SLC25A21: variants seen among roughly 807,000 people sequenced by gnomAD.
SLC25A21 encodes the protein solute carrier family 25 member 21, also known as mitochondrial 2-oxodicarboxylate carrier.
Under a neutral mutation model 43.8 loss-of-function variants are expected in SLC25A21, and 47 were observed. The observed-to-expected ratio is 1.07, with a 90% CI of 0.85 to 1.37. The LOEUF (loss-of-function observed/expected upper bound fraction) is 1.37, where lower values mean the gene tolerates loss of function less well. SLC25A21 is among the 40% of genes most tolerant of loss of function. SLC25A21 has a pLI of 0.00. For synonymous variants in SLC25A21, 131 were observed against 121.3 expected, an observed-to-expected ratio of 1.08 and a Z score of -0.52; for missense variants, 352 against 350.2, an observed-to-expected ratio of 1.00 and a Z score of -0.04.
At chr14:36,764,380 A>G (rs1311676243) in intron 3 of SLC25A21, among the ~76,000 whole-genome samples, 1 of 151,616 alleles carries the variant, frequency 6.6e-6, no homozygotes, top group Non-Finnish European at 1.5e-5. Context: ...GCAGCCATGA[A>G]TTACAAACAG....
In SLC25A21 at chr14:37,011,957, T is replaced by C. The variant is rs1594751597; in HGVS notation, c.71-136953A>G. Among the ~76,000 whole-genome samples the C allele has an allele frequency of 3.9e-5, 6 of 152,190 alleles. No individual in the cohort carries two copies. The East Asian group carries it at 1.2e-3, about 29-fold the overall frequency. The stretch of plus-strand genomic sequence containing the variant: ...TCTTAGCTTTCTTTTCTGCTCTACT[T>C]TTCACAGACAAACTAAGTTTTTCTT... On this transcript the variant is annotated intron_variant, in intron 1 of 9. Coordinates refer to ENST00000331299, the MANE Select transcript of SLC25A21 (RefSeq NM_030631.4).
chr14:36,756,769 T>C (rs1885948246), intron 3 of SLC25A21, among the ~76,000 whole-genome samples: 1 of 152,182 alleles, frequency 6.6e-6, no homozygotes, highest in African/African-American at 2.4e-5. Flanking sequence ...TTTCCAAATG[T>C]TTCATCATAA....
At chr14:36,888,644 T>C (rs898150907) in intron 1 of SLC25A21, among the ~76,000 whole-genome samples, 1 of 152,150 alleles carries the variant, frequency 6.6e-6, no homozygotes, top group Non-Finnish European at 1.5e-5. Context: ...CGGTGTATCT[T>C]ACAAGAAGAA....
chr14:36,805,493 C>G (rs531824985), intron 3 of SLC25A21, among the ~76,000 whole-genome samples: 118 of 152,288 alleles, frequency 7.7e-4, no homozygotes, highest in Non-Finnish European at 1.4e-3. Flanking sequence ...ATCATCTGCT[C>G]CCTGATTGTG....
At chr14:36,810,428 G>A (rs1226566342) in intron 3 of SLC25A21, among the ~76,000 whole-genome samples, 2 of 152,114 alleles carry the variant, frequency 1.3e-5, no homozygotes, top group African/African-American at 4.8e-5. Flanking sequence ...TTGCAGGAAA[G>A]GGATACTTTC....
At chr14:36,683,951 G>T in intron 8 of SLC25A21, 71 bp from the exon 9 acceptor site, 1 of 1,137,864 alleles carries the variant, frequency 8.8e-7, no homozygotes, top group Non-Finnish European at 1.3e-6. Context: ...GCTTTATTGA[G>T]ATAGGGACCC....
At chr14:36,769,516 TCCTAAAAATC>T (rs969973880) in intron 3 of SLC25A21, among the ~76,000 whole-genome samples, 6 of 152,170 alleles carry the variant, frequency 3.9e-5, no homozygotes, top group Non-Finnish European at 5.9e-5. Context: ...AAAGCTAAAT[TCCTAAAAATC>T]CCTAAAAATC....
chr14:36,788,425 C>T (rs1040716789), intron 3 of SLC25A21, among the ~76,000 whole-genome samples: 1 of 151,262 alleles, frequency 6.6e-6, no homozygotes, highest in East Asian at 1.9e-4. Context: ...CAATTCTCAA[C>T]AAAGAGTGGC....
At chr14:36,794,418 T>C (rs1887600061) in intron 3 of SLC25A21, among the ~76,000 whole-genome samples, 1 of 152,144 alleles carries the variant, frequency 6.6e-6, no homozygotes, top group Admixed American at 6.6e-5. Flanking sequence ...TTAGAAAATA[T>C]GACTATGTAA....
At chr14:36,941,020 A>C (rs1892543088) in intron 1 of SLC25A21, among the ~76,000 whole-genome samples, 1 of 152,112 alleles carries the variant, frequency 6.6e-6, no homozygotes, top group Admixed American at 6.6e-5. Context: ...AGATTAAAAG[A>C]AACCATCAGA....
intron 2 of SLC25A21, among the ~76,000 whole-genome samples, chr14:36,822,768 C>T (rs1888680527): frequency 6.6e-6 from 1 of 152,192 alleles, no homozygotes; most frequent in African/African-American, 2.4e-5. Context: ...TAAGTAATTT[C>T]CTGTGATCCT....
chr14:37,123,598 TA>T (rs892950287), intron 1 of SLC25A21, among the ~76,000 whole-genome samples: 20 of 152,116 alleles, frequency 1.3e-4, no homozygotes, highest in Admixed American at 2.0e-4. Flanking sequence ...ATACCTTCAT[TA>T]AAAAATGGTA....
At chr14:37,076,606 A>G (rs1210964930) in intron 1 of SLC25A21, among the ~76,000 whole-genome samples, 3 of 152,118 alleles carry the variant, frequency 2.0e-5, no homozygotes, top group African/African-American at 7.2e-5. Flanking sequence ...CTCCTGCCTC[A>G]GTCTCCTAAG....
chr14:36,679,549 A>AGAT lies in SLC25A21; in HGVS notation c.*1106_*1108dup, dbSNP rs1882099979. On this transcript the variant is annotated 3_prime_UTR_variant, in exon 10 of 10. Coordinates refer to ENST00000331299, the MANE Select transcript of SLC25A21 (RefSeq NM_030631.4). Reference sequence around the variant, plus strand: ...AAGTTTGGTTACATCAAGACCAAGGAGATATTTTTGTTGATACATGTTAGT... The same window carrying AGAT: ...AAGTTTGGTTACATCAAGACCAAGGAGATGATATTTTTGTTGATACATGTTAGT... 1 of 985,214 alleles carries AGAT rather than the reference A, an allele frequency of 1.0e-6. No homozygotes were observed. The highest frequency in any genetic ancestry group is 1.7e-5 in the African/African-American group (1 of 57,226). The allele number at this position is 985,214 out of a possible 1,614,324, so 61.0% of individuals were successfully genotyped here.
intron 1 of SLC25A21, among the ~76,000 whole-genome samples, chr14:37,166,408 A>T (rs1007370213): frequency 6.6e-6 from 1 of 152,252 alleles, no homozygotes; most frequent in Admixed American, 6.5e-5. Flanking sequence ...TACAGCGATT[A>T]TAAGAGTAGA....
At chr14:36,701,927 A>T (rs1206753669) in intron 7 of SLC25A21, among the ~76,000 whole-genome samples, 3 of 152,180 alleles carry the variant, frequency 2.0e-5, no homozygotes, top group African/African-American at 7.2e-5. Flanking sequence ...GCACACTGAG[A>T]TGCTTCAACA....
At chr14:36,724,424 T>A (rs1198264973) in intron 6 of SLC25A21, among the ~76,000 whole-genome samples, 1 of 152,196 alleles carries the variant, frequency 6.6e-6, no homozygotes, top group African/African-American at 2.4e-5. Context: ...CTCCACCCAT[T>A]AGCAGCTGCT....
At position 36,678,843 on chromosome 14, in the gene SLC25A21, T is replaced by C. The variant is rs1427650707; in HGVS notation, c.*1815A>G. On this transcript the variant is annotated 3_prime_UTR_variant, in exon 10 of 10. Transcript: ENST00000331299. ...TTAACAGTGAATTCACATGGAGTAATTTTTAAAAGATATCAGATACAATTT... is the reference window on the plus strand; with the variant it reads ...TTAACAGTGAATTCACATGGAGTAACTTTTAAAAGATATCAGATACAATTT... 3.1e-6 allele frequency: 3 copies of C among 980,568 alleles called. No homozygotes were observed. The highest frequency in any genetic ancestry group is 3.7e-6 in the Non-Finnish European group (3 of 819,820). 60.7% of individuals were successfully genotyped at this position (980,568 alleles called of 1,614,324 possible).
intron 1 of SLC25A21, among the ~76,000 whole-genome samples, chr14:36,941,506 C>T (rs1168320339): frequency 6.6e-6 from 1 of 151,898 alleles, no homozygotes; most frequent in Admixed American, 6.6e-5. Context: ...TCAGATAAGT[C>T]TCAACATTTA....
Sources: allele counts gnomAD v4.1 joint callset (sites outside exome capture counted in the v4.1 genomes callset), GRCh38; gene constraint gnomAD v4.1.1; transcripts MANE v1.5; gene names NCBI Gene and HGNC (gene_info 2026-07-23, HGNC 2026-07-21).